The following FMN1 variants were observed in gnomAD, a reference collection of about 807,000 sequenced individuals.
FMN1 encodes formin 1, also known as formin-1.
A neutral mutation model predicts 132.4 loss-of-function variants in FMN1; 110 were observed. That is an observed-to-expected ratio of 0.83 (90% CI 0.71 to 0.97). The LOEUF is 0.97. Among genes scored for constraint, FMN1 ranks in the 50% least tolerant of loss-of-function variants. FMN1 has a pLI of 0.00. For missense variants in FMN1, 1,792 were observed against 1,705.3 expected, an observed-to-expected ratio of 1.05 and a Z score of -0.90; for synonymous variants, 722 against 651.7, an observed-to-expected ratio of 1.11 and a Z score of -1.64.
chr15:33,033,256 T>C (rs374522060), intron 6 of FMN1, among the ~76,000 whole-genome samples: 1 of 152,158 alleles, frequency 6.6e-6, no homozygotes, highest in African/African-American at 2.4e-5. Flanking sequence ...AGTCTTGATC[T>C]CCTGACCTTG....
At chr15:33,098,448 AC>A (rs2141401402) in intron 4 of FMN1, among the ~76,000 whole-genome samples, 1 of 152,288 alleles carries the variant, frequency 6.6e-6, no homozygotes, top group Admixed American at 6.5e-5. Context: ...AACTAGGCAC[AC>A]ACTACAACAT....
chr15:32,996,070 T>G (rs984399308), intron 7 of FMN1, among the ~76,000 whole-genome samples: 6 of 152,226 alleles, frequency 3.9e-5, no homozygotes, highest in African/African-American at 1.4e-4. Context: ...AACATGCTGC[T>G]GCTCATAATA....
At chr15:33,185,671 C>T (rs2140351596) in intron 2 of FMN1, among the ~76,000 whole-genome samples, 1 of 148,464 alleles carries the variant, frequency 6.7e-6, no homozygotes, top group South Asian at 2.1e-4. Context: ...CTTCCAGGTT[C>T]AAGCGATTCT....
intron 12 of FMN1, among the ~76,000 whole-genome samples, chr15:32,902,755 T>G (rs1020558): frequency 6.6e-6 from 1 of 151,962 alleles, no homozygotes; most frequent in South Asian, 2.1e-4. Context: ...GTCTGAGTGG[T>G]TGGGCACTTG....
intron 9 of FMN1, among the ~76,000 whole-genome samples, chr15:32,949,924 G>A (rs1241313312): frequency 2.7e-5 from 3 of 112,258 alleles, no homozygotes; most frequent in African/African-American, 9.2e-5. Flanking sequence ...AAAAAGACAT[G>A]CATGAGGCCA....
rs533712453 is a variant in FMN1, at chr15:33,040,637, A to G, written c.2161+24320T>C. Among the ~76,000 whole-genome samples the G allele has an allele frequency of 8.5e-5, 13 of 152,372 alleles. No individual in the cohort carries two copies. In the East Asian group the frequency reaches 1.3e-3, roughly 16 times the overall value. On this transcript the variant is annotated intron_variant, in intron 6 of 20. Transcript: ENST00000616417. Reference sequence around the variant, plus strand: ...GGAGCAATGGTGACTCTGATGTCACAGCCATTTACTTGCAATGTCTAAGAT... The same window carrying G: ...GGAGCAATGGTGACTCTGATGTCACGGCCATTTACTTGCAATGTCTAAGAT...
At chr15:32,809,805 T>A (rs1277771217) in intron 17 of FMN1, among the ~76,000 whole-genome samples, 1 of 152,196 alleles carries the variant, frequency 6.6e-6, no homozygotes, top group Non-Finnish European at 1.5e-5. Context: ...TATGTCAAGG[T>A]CACTGGCTTG....
At chr15:33,025,367 T>TATC (rs2035617800) in intron 6 of FMN1, among the ~76,000 whole-genome samples, 2 of 152,184 alleles carry the variant, frequency 1.3e-5, no homozygotes, top group African/African-American at 4.8e-5. Flanking sequence ...AATCAACATG[T>TATC]ATCTTTTTCA....
intron 16 of FMN1, among the ~76,000 whole-genome samples, chr15:32,880,268 CTT>C (rs2059736506): frequency 6.6e-6 from 1 of 152,168 alleles, no homozygotes; most frequent in African/African-American, 2.4e-5. Flanking sequence ...CACATTTCCT[CTT>C]TCTCTCACAC....
At chr15:33,189,111 C>G (rs1965986750) in intron 2 of FMN1, among the ~76,000 whole-genome samples, 1 of 152,006 alleles carries the variant, frequency 6.6e-6, no homozygotes, top group Non-Finnish European at 1.5e-5. Flanking sequence ...AAAATTAGGA[C>G]CAGTTGAAAA....
At chr15:32,982,298 A>C (rs543324951) in intron 7 of FMN1, among the ~76,000 whole-genome samples, 1 of 152,164 alleles carries the variant, frequency 6.6e-6, no homozygotes, top group African/African-American at 2.4e-5. Flanking sequence ...AACAACTAGA[A>C]CTCTCAGATT....
At position 32,769,285 on chromosome 15, in the gene FMN1, T is replaced by C. The variant is rs1469061624; in HGVS notation, c.*5025A>G. ...TACTGAATTGGCTTCAAATTTGACA[T>C]GTTAAAACTCTCTTAAATTCATCAC... On this transcript the variant is annotated 3_prime_UTR_variant, in exon 21 of 21. Coordinates refer to ENST00000616417, the MANE Select transcript of FMN1 (RefSeq NM_001277313.2). The C allele has an allele frequency of 6.6e-6, 1 of 152,250 alleles. No homozygotes were observed. The highest frequency in any genetic ancestry group is 2.4e-5 in the African/African-American group (1 of 41,462). The allele number at this position is 152,250 out of a possible 1,614,324, so 9.4% of individuals were successfully genotyped here. A position where few individuals can be genotyped will look rare whatever the true frequency, so the allele number is the denominator to read the frequency against.
At chr15:32,963,442 A>G (rs1596354325) in intron 9 of FMN1, among the ~76,000 whole-genome samples, 2 of 152,210 alleles carry the variant, frequency 1.3e-5, no homozygotes, top group Admixed American at 6.5e-5. Context: ...ACATGTATAC[A>G]TATGTAACTA....
At chr15:32,926,029 G>A (rs2060951037) in intron 10 of FMN1, 145 bp downstream of exon 10, 2 of 539,896 alleles carry the variant, frequency 3.7e-6, no homozygotes, top group African/African-American at 2.0e-5. Flanking sequence ...GATAAAACAA[G>A]AGTGAGTTGA....
At chr15:32,863,223 C>G (rs1451969951) in intron 16 of FMN1, among the ~76,000 whole-genome samples, 1 of 152,164 alleles carries the variant, frequency 6.6e-6, no homozygotes. Flanking sequence ...GCGGGCGGAT[C>G]ACGAGGTCAG....
At chr15:32,918,996 A>T (rs1006187034) in intron 10 of FMN1, among the ~76,000 whole-genome samples, 1 of 152,206 alleles carries the variant, frequency 6.6e-6, no homozygotes, top group African/African-American at 2.4e-5. Context: ...TTTATCTAAC[A>T]TTTTAAAAAA....
intron 17 of FMN1, among the ~76,000 whole-genome samples, chr15:32,839,859 C>A (rs1482421023): frequency 6.6e-6 from 1 of 151,690 alleles, no homozygotes; most frequent in Non-Finnish European, 1.5e-5. Flanking sequence ...GTAAAAAATC[C>A]TTGTTAATTT....
chr15:32,967,406 G>A (rs978423132), intron 8 of FMN1, among the ~76,000 whole-genome samples: 9 of 152,294 alleles, frequency 5.9e-5, no homozygotes, highest in African/African-American at 2.2e-4. Flanking sequence ...ACAGGTGGGA[G>A]CTATTGCCCT....
At chr15:33,005,193 AATATT>A (rs1161952918) in intron 7 of FMN1, among the ~76,000 whole-genome samples, 6 of 151,106 alleles carry the variant, frequency 4.0e-5, no homozygotes, top group African/African-American at 1.5e-4. Flanking sequence ...GTATAATAAT[AATATT>A]AAAAAAAAAA....
Sources: gnomAD v4.1 joint callset for allele counts (sites outside exome capture counted in the v4.1 genomes callset) on GRCh38, gnomAD v4.1.1 for gene constraint, MANE v1.5 for transcripts, NCBI Gene and HGNC (gene_info 2026-07-23, HGNC 2026-07-21) for gene names.